Variants in ANO2 observed in about 807,000 individuals in gnomAD.
The protein encoded by ANO2 is anoctamin-2.
ANO2 carries 101 observed loss-of-function variants against 124.2 expected under a neutral mutation model. That is an observed-to-expected ratio of 0.81 (90% CI 0.69 to 0.96). The LOEUF (loss-of-function observed/expected upper bound fraction) is 0.96. Ranked by LOEUF, ANO2 falls within the 40% of genes least tolerant of loss-of-function variation. ANO2 has a pLI of 0.00. For missense variants in ANO2, 1,293 were observed against 1,274.5 expected, an observed-to-expected ratio of 1.01 and a Z score of -0.22; for synonymous variants, 486 against 482.5, an observed-to-expected ratio of 1.01 and a Z score of -0.09.
Position 5,933,097 on chromosome 12 carries a change from G to A in ANO2, c.23-10293C>T, listed in dbSNP as rs922419707. On this transcript the variant is annotated intron_variant, in intron 1 of 24. Coordinates refer to ENST00000682330, the MANE Select transcript of ANO2 (RefSeq NM_001364791.2). ...CCACAAGGGGCCAGCTACGTGGTGA[G>A]ATTTGAGGGGCACAGAAAGGGCCCT... 2.3e-4 allele frequency among the ~76,000 whole-genome samples: 35 copies of A among 152,298 alleles called. No individual in the cohort carries two copies. In the East Asian group the frequency reaches 6.4e-3, roughly 28 times the overall value.
At chr12:5,567,163 C>CA (rs1269260219) in intron 23 of ANO2, among the ~76,000 whole-genome samples, 1 of 152,180 alleles carries the variant, frequency 6.6e-6, no homozygotes, top group Non-Finnish European at 1.5e-5. Context: ...CCCTGCCCGA[C>CA]TCCCCCTCTC....
intron 3 of ANO2, among the ~76,000 whole-genome samples, chr12:5,882,915 G>A (rs2137300042): frequency 6.6e-6 from 1 of 152,308 alleles, no homozygotes; most frequent in East Asian, 1.9e-4. Flanking sequence ...AGAAACAGAG[G>A]GGAAATTATG....
intron 16 of ANO2, among the ~76,000 whole-genome samples, chr12:5,618,990 CT>C (rs1431803581): frequency 1.3e-5 from 2 of 152,238 alleles, no homozygotes. Context: ...ACAACACTGT[CT>C]TCAATATTAG....
intron 14 of ANO2, among the ~76,000 whole-genome samples, chr12:5,728,726 C>T (rs1172714381): frequency 6.6e-6 from 1 of 152,062 alleles, no homozygotes; most frequent in Non-Finnish European, 1.5e-5. Context: ...GACTCATACC[C>T]CCAATTTCAA....
At chr12:5,620,732 G>A (rs1022078396) in intron 16 of ANO2, among the ~76,000 whole-genome samples, 2 of 151,882 alleles carry the variant, frequency 1.3e-5, no homozygotes, top group African/African-American at 2.4e-5. Flanking sequence ...TTCTCCTTCC[G>A]GTCCTGCCTG....
At chr12:5,682,395 C>A (rs1220883593) in intron 14 of ANO2, among the ~76,000 whole-genome samples, 2 of 152,152 alleles carry the variant, frequency 1.3e-5, no homozygotes, top group African/African-American at 4.8e-5. Flanking sequence ...CACCCCAGCT[C>A]TCTCAGGCTG....
In ANO2 at chr12:5,635,577, T is replaced by C. The variant is rs1413579009; in HGVS notation, c.1621-230A>G. The stretch of plus-strand genomic sequence containing the variant: ...TTTCCAGGGGAGAATGTCTTAATTT[T>C]TGTCAGATTCCAAATGATTTATCAC... On this transcript the variant is annotated intron_variant, in intron 15 of 24. Coordinates refer to ENST00000682330, the MANE Select transcript of ANO2 (RefSeq NM_001364791.2). The surrounding 1 kb of genome is among the most constrained non-coding windows in gnomAD (Gnocchi z 5.2). Among the ~76,000 whole-genome samples, 1 of 148,268 alleles carries C rather than the reference T, an allele frequency of 6.7e-6. No homozygotes were observed.
intron 8 of ANO2, among the ~76,000 whole-genome samples, chr12:5,806,419 A>G (rs1451766790): frequency 4.6e-5 from 7 of 152,350 alleles, no homozygotes; most frequent in African/African-American, 1.7e-4. Context: ...CACCTGTGCC[A>G]TGACATGCTC....
intron 20 of ANO2, among the ~76,000 whole-genome samples, chr12:5,581,327 G>A (rs192623829): frequency 6.6e-6 from 1 of 152,326 alleles, no homozygotes; most frequent in East Asian, 1.9e-4. Context: ...GCCTCCGCAA[G>A]GGTTTGGCAA....
intron 14 of ANO2, among the ~76,000 whole-genome samples, chr12:5,709,351 A>G (rs1949725508): frequency 6.6e-6 from 1 of 152,236 alleles, no homozygotes; most frequent in African/African-American, 2.4e-5. Context: ...GTTCTGGGCT[A>G]TGGAACACGA....
intron 1 of ANO2, among the ~76,000 whole-genome samples, chr12:5,924,237 G>A (rs1230643908): frequency 6.6e-6 from 1 of 152,250 alleles, no homozygotes; most frequent in Non-Finnish European, 1.5e-5. Context: ...CTCCAGCGCA[G>A]TTTCAGGGGT....
At chr12:5,615,081 G>C (rs1198733694) in intron 17 of ANO2, 105 bp downstream of exon 17, 1 of 808,836 alleles carries the variant, frequency 1.2e-6, no homozygotes, top group African/African-American at 1.7e-5. Flanking sequence ...AGAAGGGGCT[G>C]ACGCTGAGTG....
At chr12:5,581,138 CA>C (rs1186086127) in intron 20 of ANO2, among the ~76,000 whole-genome samples, 1 of 152,184 alleles carries the variant, frequency 6.6e-6, no homozygotes, top group Non-Finnish European at 1.5e-5. Context: ...GAAACGAAAA[CA>C]GATGTTAGAC....
intron 3 of ANO2, among the ~76,000 whole-genome samples, chr12:5,874,699 C>G (rs979877504): frequency 2.0e-5 from 3 of 152,202 alleles, no homozygotes; most frequent in African/African-American, 7.2e-5. Context: ...AAGCTCCCCC[C>G]AGCCAGATCC....
intron 14 of ANO2, among the ~76,000 whole-genome samples, chr12:5,679,377 C>T (rs567801716): frequency 2.0e-4 from 31 of 152,286 alleles, no homozygotes; most frequent in Non-Finnish European, 4.4e-5. Flanking sequence ...AAAATTTTTG[C>T]AACCTATCCA....
At chr12:5,789,673 G>A (rs1222822927) in intron 10 of ANO2, among the ~76,000 whole-genome samples, 1 of 152,200 alleles carries the variant, frequency 6.6e-6, no homozygotes, top group Non-Finnish European at 1.5e-5. Context: ...CTCCCAGGCA[G>A]GGATCTTGAA....
intron 14 of ANO2, among the ~76,000 whole-genome samples, chr12:5,665,388 G>A (rs1388195971): frequency 6.6e-6 from 1 of 152,140 alleles, no homozygotes; most frequent in Non-Finnish European, 1.5e-5. Flanking sequence ...GCAGGACAAT[G>A]GCTTTGCGTC....
chr12:5,937,156 G>A (rs1942683779), intron 1 of ANO2, among the ~76,000 whole-genome samples: 1 of 152,112 alleles, frequency 6.6e-6, no homozygotes, highest in Non-Finnish European at 1.5e-5. Context: ...CACAATGACT[G>A]CATGAAACTG....
At chr12:5,771,266 C>G (rs1375545331) in intron 10 of ANO2, among the ~76,000 whole-genome samples, 1 of 152,164 alleles carries the variant, frequency 6.6e-6, no homozygotes, top group East Asian at 1.9e-4. Flanking sequence ...ATGAGGCAAG[C>G]ACAGCTCAGA....
Sources: allele counts gnomAD v4.1 joint callset (sites outside exome capture counted in the v4.1 genomes callset), GRCh38; gene constraint gnomAD v4.1.1; non-coding constraint Gnocchi (gnomAD v3.1); transcripts MANE v1.5; gene names NCBI Gene and HGNC (gene_info 2026-07-23, HGNC 2026-07-21).